Variants in KDM2A observed in about 807,000 individuals in gnomAD.
The protein encoded by KDM2A is lysine demethylase 2A.
Under a neutral mutation model 137.3 loss-of-function variants are expected in KDM2A, and 3 were observed. That is an observed-to-expected ratio of 0.02 (90% CI 0.01 to 0.06). The LOEUF (loss-of-function observed/expected upper bound fraction) is 0.06, where lower values mean the gene tolerates loss of function less well. Among genes scored for constraint, KDM2A ranks in the 10% least tolerant of loss-of-function variants. The pLI, the probability that KDM2A is intolerant of heterozygous loss-of-function variation, is 1.00. For missense variants in KDM2A, 738 were observed against 1,510.6 expected (o/e 0.49, Z 8.48); for synonymous variants, 512 against 541.5 (o/e 0.95, Z 0.76).
chr11:67,234,285 G>C (rs1565417566), intron 12 of KDM2A, among the ~76,000 whole-genome samples: 2 of 152,174 alleles, frequency 1.3e-5, no homozygotes, highest in Non-Finnish European at 2.9e-5. Context: ...TAGAAAACTT[G>C]GTGCTTATAG....
intron 8 of KDM2A, among the ~76,000 whole-genome samples, chr11:67,216,756 A>T (rs1004431877): frequency 1.3e-5 from 2 of 152,090 alleles, no homozygotes; most frequent in Non-Finnish European, 2.9e-5. Context: ...GTGCATCTCT[A>T]CTAAAAATAC....
intron 2 of KDM2A, among the ~76,000 whole-genome samples, chr11:67,178,048 G>A (rs1857008396): frequency 6.6e-6 from 1 of 152,122 alleles, no homozygotes; most frequent in Admixed American, 6.6e-5. Context: ...TGCAGTATAA[G>A]CAACATTTTG....
chr11:67,147,585 A>C (rs377122421), intron 2 of KDM2A, among the ~76,000 whole-genome samples: 1 of 151,908 alleles, frequency 6.6e-6, no homozygotes, highest in African/African-American at 2.4e-5. Flanking sequence ...TTCAAGAGCC[A>C]GTGAACCTAG....
intron 11 of KDM2A, among the ~76,000 whole-genome samples, chr11:67,231,093 A>G (rs539087014): frequency 6.6e-6 from 1 of 152,126 alleles, no homozygotes. Flanking sequence ...AGTATCTGGG[A>G]CCACAGTCAT....
At position 67,216,083 on chromosome 11, in the gene KDM2A, T is replaced by C. The variant is rs971128522; in HGVS notation, c.687+134T>C. 5.4e-6 allele frequency: 4 copies of C among 737,994 alleles called. No individual in the cohort carries two copies. The African/African-American group carries it at 6.9e-5, about 13-fold the overall frequency. 45.7% of individuals were successfully genotyped at this position (737,994 alleles called of 1,614,324 possible). A position where few individuals can be genotyped will look rare whatever the true frequency, so the allele number is the denominator to read the frequency against. ...CCCCATTCGTATCTGGAAAGAATTATAGATTAAGTTCACCTTCTTGGCTAG... is the reference window on the plus strand; with the variant it reads ...CCCCATTCGTATCTGGAAAGAATTACAGATTAAGTTCACCTTCTTGGCTAG... On this transcript the variant is annotated intron_variant, in intron 8 of 20. Coordinates refer to ENST00000529006, the MANE Select transcript of KDM2A (RefSeq NM_012308.3).
chr11:67,250,764 G>T lies in KDM2A; in HGVS notation c.2734G>T (p.Glu912Ter). The T allele has an allele frequency of 6.5e-7, 1 of 1,542,516 alleles. No individual in the cohort carries two copies. The highest frequency in any genetic ancestry group is 1.3e-5 in the South Asian group (1 of 79,260). The change falls in exon 17 of 21, where the codon GAA becomes TAA. Residue 912 changes from glutamate (E) to a stop codon, truncating the protein, a stop_gained. Coordinates refer to ENST00000529006, the MANE Select transcript of KDM2A (RefSeq NM_012308.3). LOFTEE classifies it high-confidence loss of function. The surrounding 1 kb of genome is among the most constrained non-coding windows in gnomAD (Gnocchi z 7.1). ...CTACCTCAGCCGCAGAGAACTTTGT[G>T]AATGTATGCGAGTGTGCAAGACGTG... ...FRYLSRRELC[E>*]CMRVCKTWYK...
At position 67,252,624 on chromosome 11, in the gene KDM2A, A is replaced by G. The variant is rs746180804; in HGVS notation, c.2769-70A>G. The G allele has an allele frequency of 1.1e-5, 17 of 1,543,780 alleles. 1 individual carries two copies. The highest frequency in any genetic ancestry group is 1.7e-4 in the Middle Eastern group (1 of 5,948). ...AGGTACTCTGCTTTTCCCAGAAGCC[A>G]TAAGCAGCCTGTGATGGGAGCTCCA... On this transcript the variant is annotated intron_variant, in intron 17 of 20. Transcript: ENST00000529006.
intron 2 of KDM2A, among the ~76,000 whole-genome samples, chr11:67,178,307 A>G (rs925176479): frequency 1.3e-5 from 2 of 152,126 alleles, no homozygotes; most frequent in Admixed American, 1.3e-4. Flanking sequence ...GGGAGGCTGT[A>G]GGTGGGAGGA....
At chr11:67,241,320 A>G (rs1859034832) in intron 12 of KDM2A, among the ~76,000 whole-genome samples, 1 of 152,188 alleles carries the variant, frequency 6.6e-6, no homozygotes, top group Admixed American at 6.5e-5. Context: ...AGGATGCCAT[A>G]GCAACTTGAA....
chr11:67,240,336 G>C (rs760989886), intron 12 of KDM2A: 1 of 1,535,552 alleles, frequency 6.5e-7, no homozygotes, highest in East Asian at 2.4e-5. Context: ...TTCACCAAGA[G>C]CCTCGGCAGC....
chr11:67,249,989 C>T (rs1403979166), intron 16 of KDM2A, 97 bp from the exon 17 acceptor site: 10 of 1,012,578 alleles, frequency 9.9e-6, no homozygotes, highest in African/African-American at 1.6e-5. Flanking sequence ...CCTTTCTTCT[C>T]TCTGGTCCCC....
At chr11:67,128,735 T>C (rs1336940885) in intron 2 of KDM2A, among the ~76,000 whole-genome samples, 1 of 152,258 alleles carries the variant, frequency 6.6e-6, no homozygotes, top group Non-Finnish European at 1.5e-5. Context: ...ACTTTGTGTA[T>C]AGCTTTCCAC....
At chr11:67,152,508 C>T (rs926354242) in intron 2 of KDM2A, among the ~76,000 whole-genome samples, 19 of 148,794 alleles carry the variant, frequency 1.3e-4, no homozygotes, top group African/African-American at 4.2e-4. Context: ...CTTGGGAGGC[C>T]GAGGTGGGAG....
In KDM2A at chr11:67,231,616, G is replaced by T. The variant is rs753413193; in HGVS notation, c.1135G>T (p.Asp379Tyr). The T allele has an allele frequency of 9.3e-6, 15 of 1,611,564 alleles. No individual in the cohort carries two copies. Among genetic ancestry groups the T allele is most frequent in the Admixed American group, 1.7e-5 (1 of 59,488 alleles). The part of the protein sequence containing the change: ...ESGNGDEEAV[D>Y]REPRRLSSRR... Reference sequence around the variant, plus strand: ...TGGGAATGGGGATGAGGAAGCAGTGGATCGAGAACCCCGACGCTTGAGCAG... The same window carrying T: ...TGGGAATGGGGATGAGGAAGCAGTGTATCGAGAACCCCGACGCTTGAGCAG... Residue 379 changes from aspartate (D) to tyrosine (Y), a missense_variant, in exon 12 of 21, where the codon GAT (aspartate) becomes TAT (tyrosine). Physicochemically the swap from Asp to Tyr is radical, Grantham distance 160. Around this residue, in one of 9 missense-constraint regions of KDM2A, gnomAD observed 113 missense variants for 133.5 expected, o/e 0.85. Coordinates refer to ENST00000529006, the MANE Select transcript of KDM2A (RefSeq NM_012308.3).
chr11:67,144,890 G>A (rs1458225269), intron 2 of KDM2A, among the ~76,000 whole-genome samples: 3 of 149,348 alleles, frequency 2.0e-5, no homozygotes, highest in Non-Finnish European at 4.5e-5. Flanking sequence ...ATATTTTTGA[G>A]ACAGAGTCTC....
chr11:67,187,271 A>G (rs541790586), intron 5 of KDM2A, among the ~76,000 whole-genome samples: 1 of 152,314 alleles, frequency 6.6e-6, no homozygotes, highest in South Asian at 2.1e-4. Context: ...ATAGAAGTCA[A>G]ATACCAAAAT....
intron 5 of KDM2A, among the ~76,000 whole-genome samples, chr11:67,206,031 C>CT: frequency 6.6e-6 from 1 of 152,300 alleles, no homozygotes; most frequent in South Asian, 2.1e-4. Flanking sequence ...ACTTTATCGA[C>CT]TTTAAATCTT....
chr11:67,194,767 G>T (rs1403829141), intron 5 of KDM2A, among the ~76,000 whole-genome samples: 1 of 152,168 alleles, frequency 6.6e-6, no homozygotes, highest in Non-Finnish European at 1.5e-5. Flanking sequence ...ATCTCAGCAA[G>T]CTACCTGGCT....
At chr11:67,165,699 A>T (rs1383979676) in intron 2 of KDM2A, among the ~76,000 whole-genome samples, 1 of 152,072 alleles carries the variant, frequency 6.6e-6, no homozygotes, top group Non-Finnish European at 1.5e-5. Flanking sequence ...CCCTTAATTC[A>T]CTTAAAGACT....
Sources: gnomAD v4.1 joint callset for allele counts (sites outside exome capture counted in the v4.1 genomes callset) on GRCh38, gnomAD v4.1.1 for gene constraint, gnomAD v4.1.1 regional missense constraint, Gnocchi (gnomAD v3.1) non-coding constraint, MANE v1.5 for transcripts, NCBI Gene and HGNC (gene_info 2026-07-23, HGNC 2026-07-21) for gene names.